Variants in COL19A1 observed in about 807,000 individuals in gnomAD.
COL19A1 encodes the protein collagen alpha-1(XIX) chain.
In COL19A1, 159 loss-of-function variants were observed where a neutral mutation model predicts 190.2. That is an observed-to-expected ratio of 0.84 (90% CI 0.73 to 0.95). The LOEUF is 0.95. Ranked by LOEUF, COL19A1 falls within the 40% of genes least tolerant of loss-of-function variation. The pLI is 0.00. For synonymous variants in COL19A1, 509 were observed against 458.9 expected (o/e 1.11, Z -1.39); for missense variants, 1,418 against 1,431.9 (o/e 0.99, Z 0.16).
At chr6:70,005,437 C>T (rs1174251375) in intron 11 of COL19A1, among the ~76,000 whole-genome samples, 1 of 152,008 alleles carries the variant, frequency 6.6e-6, no homozygotes, top group Non-Finnish European at 1.5e-5. Flanking sequence ...ACGGTTTGCT[C>T]GGGGTTCACT....
intron 11 of COL19A1, among the ~76,000 whole-genome samples, chr6:69,991,726 T>A (rs1197933639): frequency 6.6e-6 from 1 of 152,096 alleles, no homozygotes; most frequent in East Asian, 1.9e-4. Context: ...GCCCATTTTT[T>A]AATGGGGTTA....
intron 17 of COL19A1, among the ~76,000 whole-genome samples, chr6:70,126,020 G>T (rs1282478926): frequency 6.6e-6 from 1 of 151,992 alleles, no homozygotes; most frequent in African/African-American, 2.4e-5. Context: ...ATTTGATGTT[G>T]TTTTTAAAGC....
intron 41 of COL19A1, among the ~76,000 whole-genome samples, chr6:70,175,300 C>G (rs1765736811): frequency 6.6e-6 from 1 of 152,048 alleles, no homozygotes; most frequent in Non-Finnish European, 1.5e-5. Context: ...TTAATGTAGT[C>G]AAATCTAACA....
intron 14 of COL19A1, among the ~76,000 whole-genome samples, chr6:70,062,879 A>G (rs1449047006): frequency 1.3e-5 from 2 of 152,086 alleles, no homozygotes. Flanking sequence ...CAAAAGAGAC[A>G]AAGAAGGCCA....
chr6:70,136,213 T>C (rs1308451044), intron 18 of COL19A1, among the ~76,000 whole-genome samples: 1 of 152,186 alleles, frequency 6.6e-6, no homozygotes, highest in Non-Finnish European at 1.5e-5. Context: ...TGGATTAGGA[T>C]ATACATATAA....
intron 12 of COL19A1, among the ~76,000 whole-genome samples, chr6:70,024,608 T>G (rs887471084): frequency 2.7e-5 from 4 of 148,442 alleles, no homozygotes; most frequent in Non-Finnish European, 6.0e-5. Flanking sequence ...TGTGTGTGTG[T>G]GTGTGTGGGT....
At chr6:70,121,410 A>G (rs1784872396) in intron 16 of COL19A1, among the ~76,000 whole-genome samples, 1 of 152,218 alleles carries the variant, frequency 6.6e-6, no homozygotes, top group South Asian at 2.1e-4. Context: ...GTCCATGTGC[A>G]TCCCATTTTC....
At chr6:70,065,175 G>A (rs893310307) in intron 14 of COL19A1, among the ~76,000 whole-genome samples, 12 of 152,126 alleles carry the variant, frequency 7.9e-5, no homozygotes, top group African/African-American at 2.9e-4. Flanking sequence ...AAAGAACAAA[G>A]CTGGAGGCAT....
At chr6:69,975,780 C>T (rs887457202) in intron 11 of COL19A1, among the ~76,000 whole-genome samples, 2 of 152,118 alleles carry the variant, frequency 1.3e-5, no homozygotes, top group Admixed American at 6.5e-5. Context: ...ATGACCAGAA[C>T]ACAGCACTGT....
chr6:70,140,851 T>G, intron 19 of COL19A1, 103 bp from the exon 20 acceptor site: 1 of 1,021,426 alleles, frequency 9.8e-7, no homozygotes, highest in Non-Finnish European at 1.5e-6. Flanking sequence ...GAGGTCTGTT[T>G]GCAATGGGAA....
At chr6:70,135,343 C>T (rs1376680999) in intron 18 of COL19A1, among the ~76,000 whole-genome samples, 2 of 152,154 alleles carry the variant, frequency 1.3e-5, no homozygotes, top group Admixed American at 6.5e-5. Context: ...TCTCTCTCCC[C>T]TCCCCAGAGG....
chr6:69,908,261 A>ACTGT (rs1770690181), intron 4 of COL19A1, among the ~76,000 whole-genome samples: 1 of 152,194 alleles, frequency 6.6e-6, no homozygotes, highest in Non-Finnish European at 1.5e-5. Flanking sequence ...TAGAAGGATT[A>ACTGT]CTTTACAATT....
At chr6:70,055,114 A>G (rs530841388) in intron 14 of COL19A1, among the ~76,000 whole-genome samples, 166 of 152,324 alleles carry the variant, frequency 1.1e-3, no homozygotes, top group African/African-American at 3.8e-3. Flanking sequence ...TTTTAAACAT[A>G]TGAAATAGAC....
intron 49 of COL19A1, among the ~76,000 whole-genome samples, chr6:70,203,974 C>A (rs1767709485): frequency 6.6e-6 from 1 of 152,074 alleles, no homozygotes; most frequent in African/African-American, 2.4e-5. Flanking sequence ...AATTCTCCTG[C>A]CTCAGCCTCC....
chr6:70,159,317 T>C (rs190933629), intron 34 of COL19A1, among the ~76,000 whole-genome samples: 3 of 152,138 alleles, frequency 2.0e-5, no homozygotes, highest in Admixed American at 2.0e-4. Context: ...TTTGCATCTA[T>C]AAACCTGCAT....
intron 14 of COL19A1, among the ~76,000 whole-genome samples, chr6:70,048,943 CTTG>C (rs1276438533): frequency 6.6e-6 from 1 of 151,420 alleles, no homozygotes; most frequent in African/African-American, 2.4e-5. Context: ...TAGAAAGGTT[CTTG>C]TTGTATGCCC....
intron 11 of COL19A1, among the ~76,000 whole-genome samples, chr6:70,020,047 C>T (rs923771094): frequency 2.0e-5 from 3 of 152,030 alleles, no homozygotes; most frequent in Non-Finnish European, 4.4e-5. Flanking sequence ...TATGGGAAAG[C>T]TTTAGAGTTC....
chr6:69,899,612 T>C (rs1041073025), intron 3 of COL19A1, among the ~76,000 whole-genome samples: 1 of 152,124 alleles, frequency 6.6e-6, no homozygotes, highest in Admixed American at 6.5e-5. Context: ...AAAAAAAAAT[T>C]TGTGAGAAGG....
Position 70,090,324 on chromosome 6 carries a change from T to C in COL19A1, c.1225-11845T>C, listed in dbSNP as rs144702234. On this transcript the variant is annotated intron_variant, in intron 15 of 50. Coordinates refer to ENST00000620364, the MANE Select transcript of COL19A1 (RefSeq NM_001858.6). Reference sequence around the variant, plus strand: ...AAATATGGTTACATCTTACTGAACATGTACAGACATTTTTTTGGTCATTAT... The same window carrying C: ...AAATATGGTTACATCTTACTGAACACGTACAGACATTTTTTTGGTCATTAT... Among the ~76,000 whole-genome samples, 813 of 152,324 alleles carry C rather than the reference T, an allele frequency of 5.3e-3. 7 individuals carry two copies. Among genetic ancestry groups the C allele is most frequent in the African/African-American group, 0.018 (763 of 41,582 alleles).
Sources: allele counts gnomAD v4.1 joint callset (sites outside exome capture counted in the v4.1 genomes callset), GRCh38; gene constraint gnomAD v4.1.1; transcripts MANE v1.5; gene names NCBI Gene and HGNC (gene_info 2026-07-23, HGNC 2026-07-21).